Variants in SNTB2 observed in about 807,000 individuals in gnomAD.
SNTB2 encodes beta-2-syntrophin.
Under a neutral mutation model 46.2 loss-of-function variants are expected in SNTB2, and 34 were observed. The observed-to-expected ratio is 0.74, with a 90% CI of 0.56 to 0.98. The LOEUF (loss-of-function observed/expected upper bound fraction) is 0.98, where lower values mean the gene tolerates loss of function less well. SNTB2 is among the 50% of genes least tolerant of loss of function. The probability of loss-of-function intolerance (pLI) is 0.00; values close to 1 mark genes in which losing one functional copy is unlikely to be tolerated. For synonymous variants in SNTB2, 290 were observed against 312.6 expected, an observed-to-expected ratio of 0.93 and a Z score of 0.76; for missense variants, 603 against 731.4, an observed-to-expected ratio of 0.82 and a Z score of 2.02.
chr16:69,299,291 C>T (rs554195121), intron 5 of SNTB2, among the ~76,000 whole-genome samples: 19 of 151,918 alleles, frequency 1.3e-4, no homozygotes, highest in Middle Eastern at 3.4e-3. Context: ...TACAGGCACC[C>T]GCCACCACAC....
At chr16:69,219,557 T>C (rs1964379918) in intron 1 of SNTB2, among the ~76,000 whole-genome samples, 1 of 152,182 alleles carries the variant, frequency 6.6e-6, no homozygotes, top group Admixed American at 6.6e-5. Context: ...GTCCATGCTA[T>C]GAGTCAGTAA....
intron 5 of SNTB2, among the ~76,000 whole-genome samples, chr16:69,285,110 A>G (rs1965089939): frequency 6.6e-6 from 1 of 152,224 alleles, no homozygotes; most frequent in Non-Finnish European, 1.5e-5. Context: ...ATGATGCATT[A>G]TGCATTTCTC....
chr16:69,264,143 A>G (rs996347324), intron 3 of SNTB2, among the ~76,000 whole-genome samples: 1 of 152,100 alleles, frequency 6.6e-6, no homozygotes. Context: ...CACAGTCGCG[A>G]AGAGGCACTG....
intron 1 of SNTB2, among the ~76,000 whole-genome samples, chr16:69,199,444 T>C (rs899753446): frequency 6.6e-6 from 1 of 151,860 alleles, no homozygotes; most frequent in African/African-American, 2.4e-5. Context: ...ATTAAAGCGA[T>C]GTTGGCCTGG....
chr16:69,235,764 T>C, intron 1 of SNTB2: 1 of 1,289,268 alleles, frequency 7.8e-7, no homozygotes, highest in Non-Finnish European at 1.0e-6. Flanking sequence ...AATGAGGAAA[T>C]TTCTGTCTGA....
In SNTB2 at chr16:69,300,965, A is replaced by T; in HGVS notation, c.*41A>T. 1 of 1,263,182 alleles carries T rather than the reference A, an allele frequency of 7.9e-7. No homozygotes were observed. The allele number at this position is 1,263,182 out of a possible 1,614,324, so 78.2% of individuals were successfully genotyped here. On this transcript the variant is annotated 3_prime_UTR_variant, in exon 7 of 7. Transcript: ENST00000336278. ...AAAAGAGCCTTGACTGTCACAAGAA[A>T]TATTTCCACCTCAAAAAAAAAAAAG...
At chr16:69,297,570 A>G (rs1225295463) in intron 5 of SNTB2, among the ~76,000 whole-genome samples, 1 of 151,238 alleles carries the variant, frequency 6.6e-6, no homozygotes, top group Admixed American at 6.6e-5. Context: ...GTGAGCCAAG[A>G]TCACGCCACT....
chr16:69,284,468 A>G (rs1191458288), intron 5 of SNTB2, among the ~76,000 whole-genome samples: 5 of 144,694 alleles, frequency 3.5e-5, no homozygotes, highest in Admixed American at 6.9e-5. Flanking sequence ...CTAAAAAAAA[A>G]AAAAAAAAAA....
rs570690714 is a variant in SNTB2, at chr16:69,214,806, C to T, written c.580+27060C>T. ...CCTCCCACAGTGCTGGGATTACAGA[C>T]GTGAGCCACCGTGCCTGGCCTGTTT... On this transcript the variant is annotated intron_variant, in intron 1 of 6. Transcript: ENST00000336278. 1.7e-4 allele frequency among the ~76,000 whole-genome samples: 26 copies of T among 151,804 alleles called. No individual in the cohort carries two copies. In the South Asian group the frequency reaches 5.4e-3, roughly 32 times the overall value.
chr16:69,271,264 A>C (rs543590610), intron 4 of SNTB2, among the ~76,000 whole-genome samples: 1 of 152,288 alleles, frequency 6.6e-6, no homozygotes, highest in African/African-American at 2.4e-5. Flanking sequence ...GAATGAAGTA[A>C]AGGATTTGGT....
intron 6 of SNTB2, 22 bp downstream of exon 6, chr16:69,299,796 A>G (rs1463296999): frequency 1.2e-6 from 2 of 1,605,784 alleles, no homozygotes; most frequent in African/African-American, 1.3e-5. Flanking sequence ...TCTGAAACAC[A>G]TGTTTATCTA....
At chr16:69,285,302 G>A (rs561142440) in intron 5 of SNTB2, among the ~76,000 whole-genome samples, 4 of 150,390 alleles carry the variant, frequency 2.7e-5, no homozygotes, top group Admixed American at 6.6e-5. Flanking sequence ...TATATGACTC[G>A]AAGTACATTT....
chr16:69,287,213 A>G (rs986420746), intron 5 of SNTB2, among the ~76,000 whole-genome samples: 2 of 152,148 alleles, frequency 1.3e-5, no homozygotes, highest in Non-Finnish European at 2.9e-5. Flanking sequence ...AGATATTTGC[A>G]AATTTTTTTC....
chr16:69,217,081 T>A (rs1375890357), intron 1 of SNTB2, among the ~76,000 whole-genome samples: 1 of 152,146 alleles, frequency 6.6e-6, no homozygotes, highest in Non-Finnish European at 1.5e-5. Flanking sequence ...TATTTCTGAG[T>A]GAAAAGACTG....
chr16:69,276,027 G>A (rs1344185917), intron 4 of SNTB2, among the ~76,000 whole-genome samples: 1 of 152,152 alleles, frequency 6.6e-6, no homozygotes, highest in Non-Finnish European at 1.5e-5. Flanking sequence ...TGAGGAATAA[G>A]TAAAGCATGA....
chr16:69,270,153 A>G lies in SNTB2; in HGVS notation c.1016A>G (p.Asp339Gly), dbSNP rs753707926. 1 of 1,614,062 alleles carries G rather than the reference A, an allele frequency of 6.2e-7. No homozygotes were observed. The highest frequency in any genetic ancestry group is 8.5e-7 in the Non-Finnish European group (1 of 1,179,972). The part of the protein sequence containing the change: ...IAWLAEQAKL[D>G]GGRQQWRPVL... ...TTTCCATTGTAACAGGCAAAACTAG[A>G]TGGTGGAAGACAGCAATGGAGACCT... is the stretch of plus-strand genomic sequence containing the variant. Residue 339 changes from aspartate to glycine, a missense_variant, in exon 4 of 7, where the codon GAT becomes GGT. By Grantham distance (94) the Asp-to-Gly change is moderately conservative (BLOSUM62 -1). Transcript: ENST00000336278.
rs972277566 is a variant in SNTB2, at chr16:69,307,237, T to C, written c.*6313T>C. On this transcript the variant is annotated 3_prime_UTR_variant, in exon 7 of 7. Coordinates refer to ENST00000336278, the MANE Select transcript of SNTB2 (RefSeq NM_006750.4). ...GTTAAGTAATTCATCACTTCATATT[T>C]TTACCAAAGTATATTTACAAGTCTG... is the stretch of plus-strand genomic sequence containing the variant. 2.6e-5 allele frequency: 4 copies of C among 152,224 alleles called. No homozygotes were observed. The highest frequency in any genetic ancestry group is 5.9e-5 in the Non-Finnish European group (4 of 68,044). The allele number at this position is 152,224 out of a possible 1,614,324, so 9.4% of individuals were successfully genotyped here. A position where few individuals can be genotyped will look rare whatever the true frequency, so the allele number is the denominator to read the frequency against.
intron 4 of SNTB2, among the ~76,000 whole-genome samples, chr16:69,275,379 A>C (rs1964977546): frequency 6.6e-6 from 1 of 152,172 alleles, no homozygotes; most frequent in South Asian, 2.1e-4. Flanking sequence ...GTTGTTTCTT[A>C]ATAAGTTTAA....
intron 2 of SNTB2, among the ~76,000 whole-genome samples, chr16:69,246,740 C>A (rs1964673228): frequency 2.7e-5 from 4 of 147,090 alleles, no homozygotes; most frequent in African/African-American, 1.0e-4. Flanking sequence ...AATTTCAGCT[C>A]CTGTTATTGG....
Sources: allele counts gnomAD v4.1 joint callset (sites outside exome capture counted in the v4.1 genomes callset), GRCh38; gene constraint gnomAD v4.1.1; transcripts MANE v1.5; gene names NCBI Gene and HGNC (gene_info 2026-07-23, HGNC 2026-07-21).